HMCN1: variants seen among roughly 807,000 people sequenced by gnomAD.
HMCN1 encodes the protein hemicentin 1.
Under a neutral mutation model 625.9 loss-of-function variants are expected in HMCN1, and 321 were observed. The ratio of observed to expected loss-of-function variants is 0.51; its 90% CI spans 0.47 to 0.56. The LOEUF (loss-of-function observed/expected upper bound fraction) is 0.56, where lower values mean the gene tolerates loss of function less well. Ranked by LOEUF, HMCN1 falls within the 20% of genes least tolerant of loss-of-function variation. The pLI is 0.00. For synonymous variants in HMCN1, 2,425 were observed against 2,417.6 expected (o/e 1.00, Z -0.09); for missense variants, 6,588 against 6,887.3 (o/e 0.96, Z 1.54).
At chr1:186,094,569 C>T (rs1433001370) in intron 67 of HMCN1, among the ~76,000 whole-genome samples, 196 bp downstream of exon 67, 1 of 152,032 alleles carries the variant, frequency 6.6e-6, no homozygotes, top group Non-Finnish European at 1.5e-5. Flanking sequence ...GTCTGTTTAT[C>T]AAAATACTGA....
At position 185,891,625 on chromosome 1, in the gene HMCN1, G is replaced by A. The variant is rs1665090105; in HGVS notation, c.622-17712G>A. Among the ~76,000 whole-genome samples the A allele has an allele frequency of 2.0e-5, 3 of 147,988 alleles. 1 individual carries two copies. In the South Asian group the frequency reaches 6.2e-4, roughly 31 times the overall value. The stretch of plus-strand genomic sequence containing the variant: ...GTTGAAAATTCTTTTCTTTAAGAAA[G>A]TTGAATATTGGCCCCCACTCTCTTC... On this transcript the variant is annotated intron_variant, in intron 4 of 106. Transcript: ENST00000271588.
At chr1:186,065,944 A>G (rs1299349630) in intron 49 of HMCN1, among the ~76,000 whole-genome samples, 1 of 152,202 alleles carries the variant, frequency 6.6e-6, no homozygotes, top group African/African-American at 2.4e-5. Context: ...ATTGTATTAG[A>G]TTCCTAATAT....
intron 50 of HMCN1, among the ~76,000 whole-genome samples, 171 bp from the exon 51 acceptor site, chr1:186,069,492 A>T (rs1453910622): frequency 6.6e-6 from 1 of 152,224 alleles, no homozygotes; most frequent in Non-Finnish European, 1.5e-5. Context: ...GTCCTCAGAT[A>T]CCATGCAATC....
chr1:186,028,997 C>A (rs1463397367), intron 36 of HMCN1, among the ~76,000 whole-genome samples: 1 of 151,836 alleles, frequency 6.6e-6, no homozygotes, highest in African/African-American at 2.4e-5. Context: ...CTCCCAAAGT[C>A]CTGGGATTAC....
At chr1:186,017,753 C>T (rs1654456598) in intron 33 of HMCN1, among the ~76,000 whole-genome samples, 1 of 151,884 alleles carries the variant, frequency 6.6e-6, no homozygotes, top group Non-Finnish European at 1.5e-5. Context: ...TTTAGGAGCA[C>T]TTGTCTCTTT....
At chr1:186,109,538 C>T (rs778609017) in intron 71 of HMCN1, among the ~76,000 whole-genome samples, 5 of 152,094 alleles carry the variant, frequency 3.3e-5, no homozygotes, top group East Asian at 1.9e-4. Flanking sequence ...ATAGAATGAA[C>T]GCCACTAGTA....
intron 15 of HMCN1, among the ~76,000 whole-genome samples, chr1:185,971,694 A>G (rs1318111938): frequency 6.6e-6 from 1 of 152,174 alleles, no homozygotes; most frequent in Admixed American, 6.6e-5. Flanking sequence ...AATGAAAATT[A>G]TGTCCTCCTA....
intron 8 of HMCN1, 146 bp from the exon 9 acceptor site, chr1:185,924,901 T>G (rs1667197772): frequency 3.9e-6 from 3 of 769,706 alleles, no homozygotes; most frequent in Non-Finnish European, 6.4e-6. Context: ...AAAAGTAATT[T>G]TTAGTGATCT....
intron 1 of HMCN1, among the ~76,000 whole-genome samples, chr1:185,750,173 T>C (rs1654700703): frequency 6.6e-6 from 1 of 152,206 alleles, no homozygotes; most frequent in Non-Finnish European, 1.5e-5. Context: ...TTTTCATGAC[T>C]GTATTTGGTA....
chr1:185,936,569 T>C (rs1667822333), intron 11 of HMCN1, among the ~76,000 whole-genome samples: 1 of 152,182 alleles, frequency 6.6e-6, no homozygotes, highest in African/African-American at 2.4e-5. Flanking sequence ...GCCAGAATGC[T>C]ATTTTCTCAT....
At chr1:186,128,509 A>C (rs1167019570) in intron 83 of HMCN1, among the ~76,000 whole-genome samples, 1 of 151,990 alleles carries the variant, frequency 6.6e-6, no homozygotes, top group Non-Finnish European at 1.5e-5. Flanking sequence ...CATATATTGC[A>C]GGTTATAAGT....
chr1:185,754,331 C>T lies in HMCN1; in HGVS notation c.268+19284C>T, dbSNP rs116741784. Reference sequence around the variant, plus strand: ...AGTTAGGAGGAACAAATAAGTATTTCTTAAAAAAAGTCTTCAATGCTTAAT... The same window carrying T: ...AGTTAGGAGGAACAAATAAGTATTTTTTAAAAAAAGTCTTCAATGCTTAAT... On this transcript the variant is annotated intron_variant, in intron 1 of 106. Transcript: ENST00000271588. Among the ~76,000 whole-genome samples, 1,259 of 152,094 alleles carry T rather than the reference C, an allele frequency of 8.3e-3. 12 individuals are homozygous for T. Among genetic ancestry groups the T allele is most frequent in the Middle Eastern group, 0.027 (8 of 294 alleles).
At chr1:186,044,105 G>C (rs986674793) in intron 40 of HMCN1, among the ~76,000 whole-genome samples, 2 of 151,996 alleles carry the variant, frequency 1.3e-5, no homozygotes, top group Non-Finnish European at 2.9e-5. Flanking sequence ...GAAAGAAAGT[G>C]GCACTAATTG....
chr1:186,175,426 GCT>G (rs1411028943), intron 103 of HMCN1, among the ~76,000 whole-genome samples: 2 of 152,048 alleles, frequency 1.3e-5, no homozygotes, highest in Non-Finnish European at 2.9e-5. Context: ...AAAAGACTTA[GCT>G]CTGTCTTTAT....
At chr1:185,873,454 A>G (rs555425585) in intron 4 of HMCN1, among the ~76,000 whole-genome samples, 2 of 152,256 alleles carry the variant, frequency 1.3e-5, no homozygotes, top group African/African-American at 4.8e-5. Context: ...AGCCTTTGAA[A>G]TTGCTGACCA....
At chr1:186,015,549 C>T (rs1004381258) in intron 31 of HMCN1, 112 bp downstream of exon 31, 9 of 1,019,224 alleles carry the variant, frequency 8.8e-6, no homozygotes, top group Non-Finnish European at 6.0e-6. Flanking sequence ...TTTCAATATG[C>T]ATGGATAGGA....
intron 89 of HMCN1, 82 bp downstream of exon 89, chr1:186,138,054 C>G: frequency 6.9e-7 from 1 of 1,456,100 alleles, no homozygotes; most frequent in Non-Finnish European, 9.5e-7. Context: ...GCCTTTTCTT[C>G]TTCATTGTAA....
Position 186,057,406 on chromosome 1 carries a change from T to C in HMCN1, c.7312+5T>C, listed in dbSNP as rs764308136. 1 of 1,592,200 alleles carries C rather than the reference T, an allele frequency of 6.3e-7. No individual in the cohort carries two copies. On this transcript the variant is annotated splice_donor_5th_base_variant and intron_variant, in intron 46 of 106. Transcript: ENST00000271588. ...ATTCTGTGAGGATTCTTTCAGGTAT[T>C]AGAAATTCTGGTAGCCTTATAATCT...
At position 185,920,675 on chromosome 1, in the gene HMCN1, T is replaced by A. The variant is rs548002892; in HGVS notation, c.901-1704T>A. ...TATTTTCAAACACTTGTATAATTTC[T>A]GTTTTTTTTCACTCAGCTATTAAGT... On this transcript the variant is annotated intron_variant, in intron 6 of 106. Transcript: ENST00000271588. Among the ~76,000 whole-genome samples, 10 of 152,310 alleles carry A rather than the reference T, an allele frequency of 6.6e-5. No individual in the cohort carries two copies. In the East Asian group the frequency reaches 1.5e-3, roughly 23 times the overall value.
Sources: allele counts gnomAD v4.1 joint callset (sites outside exome capture counted in the v4.1 genomes callset), GRCh38; gene constraint gnomAD v4.1.1; transcripts MANE v1.5; gene names NCBI Gene and HGNC (gene_info 2026-07-23, HGNC 2026-07-21).